The following HAGH variants were observed in gnomAD, a reference collection of about 807,000 sequenced individuals.
HAGH encodes hydroxyacylglutathione hydrolase.
In HAGH, 29 loss-of-function variants were observed where a neutral mutation model predicts 35.1. That is an observed-to-expected ratio of 0.83 (90% confidence interval 0.62 to 1.13). HAGH has a LOEUF of 1.13. Ranked by LOEUF, HAGH falls within the 50% of genes most tolerant of loss-of-function variation. The pLI is 0.00. For missense variants in HAGH, 478 were observed against 419.6 expected, an observed-to-expected ratio of 1.14 and a Z score of -1.22; for synonymous variants, 225 against 176.1, an observed-to-expected ratio of 1.28 and a Z score of -2.20.
intron 1 of HAGH, among the ~76,000 whole-genome samples, chr16:1,826,336 T>A (rs1452063270): frequency 6.7e-6 from 1 of 150,298 alleles, no homozygotes; most frequent in Non-Finnish European, 1.5e-5. Context: ...GGGCAGCAGG[T>A]GCGGGGTGGG....
At chr16:1,820,132 G>T in intron 3 of HAGH, 118 bp from the exon 4 acceptor site, 1 of 724,218 alleles carries the variant, frequency 1.4e-6, no homozygotes, top group South Asian at 1.6e-5. Flanking sequence ...CTAGTCAAAC[G>T]CAACACTTAT....
chr16:1,810,037 C>T, intron 7 of HAGH: 1 of 575,128 alleles, frequency 1.7e-6, no homozygotes, highest in Non-Finnish European at 3.1e-6. Context: ...TGGTGGCAGG[C>T]ACCTGTGGTC....
chr16:1,821,530 A>G (rs1898146525), intron 3 of HAGH: 1 of 152,238 alleles, frequency 6.6e-6, no homozygotes, highest in Non-Finnish European at 1.5e-5. Flanking sequence ...TAAAAGCCAA[A>G]CAACGGCCTT....
chr16:1,826,974 C>T (rs952046907), upstream of HAGH: 84 of 611,344 alleles, frequency 1.4e-4, no homozygotes, highest in Non-Finnish European at 2.0e-4. Context: ...TGCCACGGGC[C>T]GGGAGACGGG....
chr16:1,824,396 C>A (rs1898301746), intron 1 of HAGH, among the ~76,000 whole-genome samples: 1 of 152,194 alleles, frequency 6.6e-6, no homozygotes, highest in Non-Finnish European at 1.5e-5. Context: ...CACAGGGGCC[C>A]AGAAGGCCCA....
chr16:1,823,744 TAAA>T (rs71145496), intron 1 of HAGH, among the ~76,000 whole-genome samples: 1,291 of 55,802 alleles, frequency 0.023, 44 homozygotes, highest in African/African-American at 0.082. Flanking sequence ...ACCTGTTCCT[TAAA>T]AAAAAAAAAA....
intron 4 of HAGH, 78 bp downstream of exon 4, chr16:1,819,819 G>A (rs2142042633): frequency 2.3e-6 from 2 of 871,802 alleles, no homozygotes; most frequent in South Asian, 1.3e-5. Flanking sequence ...AGGGAGCAGA[G>A]AGAATGCGGG....
At position 1,809,120 on chromosome 16, in the gene HAGH, T is replaced by G; in HGVS notation, c.*163A>C. Reference sequence around the variant, plus strand: ...AGGGGAAGTTATGGGAATAAATACTTGTTAAACTTCTCTTATAAATATGCA... The same window carrying G: ...AGGGGAAGTTATGGGAATAAATACTGGTTAAACTTCTCTTATAAATATGCA... On this transcript the variant is annotated 3_prime_UTR_variant, in exon 9 of 9. Coordinates refer to ENST00000397356, the MANE Select transcript of HAGH (RefSeq NM_005326.6). 3.3e-6 allele frequency: 2 copies of G among 612,790 alleles called. No individual in the cohort carries two copies. The highest frequency in any genetic ancestry group is 5.3e-5 in the East Asian group (2 of 37,556). 38.0% of individuals were successfully genotyped at this position (612,790 alleles called of 1,614,324 possible).
In HAGH at chr16:1,809,373, C is replaced by T. The variant is rs113029133; in HGVS notation, c.837G>A (p.Thr279=). The change falls in exon 9 of 9, where the codon ACG becomes ACA. Residue 279 remains threonine, a synonymous_variant. Transcript: ENST00000397356. ...YNPFMRVREK[T]VQQHAGETDP... The stretch of plus-strand genomic sequence containing the variant: ...CCGTCTCACCTGCGTGCTGCTGCAC[C>T]GTCTTCTCCCTGCGGAGGCCAGCAC... 27 of 1,610,740 alleles carry T rather than the reference C, an allele frequency of 1.7e-5. No homozygotes were observed. The highest frequency in any genetic ancestry group is 1.3e-4 in the African/African-American group (10 of 75,036).
intron 7 of HAGH, among the ~76,000 whole-genome samples, chr16:1,814,006 A>T (rs1009647531): frequency 6.6e-6 from 1 of 152,166 alleles, no homozygotes; most frequent in Non-Finnish European, 1.5e-5. Flanking sequence ...GAGAGGGTGA[A>T]CCTCTACCCT....
At chr16:1,809,445 C>A in intron 8 of HAGH, 63 bp from the exon 9 acceptor site, 1 of 1,360,526 alleles carries the variant, frequency 7.4e-7, no homozygotes, top group South Asian at 1.2e-5. Flanking sequence ...GAGCCAGGGC[C>A]ACTGCAGAGG....
At position 1,822,341 on chromosome 16, in the gene HAGH, G is replaced by C; in HGVS notation, c.273C>G (p.His91Gln). 6.2e-7 allele frequency: 1 copy of C among 1,611,618 alleles called. No homozygotes were observed. Among genetic ancestry groups the C allele is most frequent in the Non-Finnish European group, 8.5e-7 (1 of 1,178,804 alleles). Residue 91 changes from histidine (H) to glutamine (Q), a missense_variant, in exon 3 of 9, where the codon CAC becomes CAG. By Grantham distance (24) the His-to-Gln change is conservative (BLOSUM62 0). Transcript: ENST00000397356. ...PQKVVDAARK[H>Q]GVKLTTVLTT... Reference sequence around the variant, plus strand: ...TGAGCACTGTGGTCAGTTTCACCCCGTGCTTTCTCGCCGCGTCCACGACCT... The same window carrying C: ...TGAGCACTGTGGTCAGTTTCACCCCCTGCTTTCTCGCCGCGTCCACGACCT...
intron 1 of HAGH, among the ~76,000 whole-genome samples, chr16:1,824,317 C>A (rs1898298427): frequency 7.2e-6 from 1 of 138,916 alleles, no homozygotes. Context: ...GGAAAGTTGG[C>A]CACAACTGCC....
intron 5 of HAGH, among the ~76,000 whole-genome samples, chr16:1,817,931 G>C (rs1897981816): frequency 6.6e-6 from 1 of 151,166 alleles, no homozygotes; most frequent in South Asian, 2.1e-4. Flanking sequence ...CAGCACAGTG[G>C]AGGCCGCCCC....
At position 1,821,146 on chromosome 16, in the gene HAGH, G is replaced by A. The variant is rs373003581; in HGVS notation, c.315-1132C>T. 9.9e-5 allele frequency among the ~76,000 whole-genome samples: 15 copies of A among 152,278 alleles called. No individual in the cohort carries two copies. In the East Asian group the frequency reaches 2.1e-3, roughly 22 times the overall value. The stretch of plus-strand genomic sequence containing the variant: ...GAGAGACAGCAGCTCAGCCACACAG[G>A]ACAAGGGCCAGGGAGGCTGCAGGCA... On this transcript the variant is annotated intron_variant, in intron 3 of 8. Transcript: ENST00000397356.
At position 1,819,239 on chromosome 16, in the gene HAGH, C is replaced by G; in HGVS notation, c.433-16G>C. The G allele has an allele frequency of 6.5e-7, 1 of 1,538,620 alleles. No homozygotes were observed. The highest frequency in any genetic ancestry group is 1.7e-5 in the Admixed American group (1 of 58,656). ...GAGACCCCACCTTCAACAAAGCAGG[C>G]GACCGCGTGTGCTCCCAGACACCCT... On this transcript the variant is annotated splice_polypyrimidine_tract_variant and intron_variant, in intron 4 of 8. Coordinates refer to ENST00000397356, the MANE Select transcript of HAGH (RefSeq NM_005326.6).
intron 5 of HAGH, chr16:1,818,486 G>A (rs1042277779): frequency 6.6e-6 from 1 of 152,348 alleles, no homozygotes; most frequent in African/African-American, 2.4e-5. Context: ...TCAAGGCTGG[G>A]GCTGCCACCT....
rs1555468347 is a variant in HAGH at position 1,820,066 on chromosome 16, T to C, written c.315-52A>G. ...TGCCTGCTGAGCTGAGGGGGCTGCC[T>C]GCTGAGCTGAGGGGGCTGCCTGCTG... On this transcript the variant is annotated intron_variant, in intron 3 of 8. Transcript: ENST00000397356. 2.1e-5 allele frequency: 21 copies of C among 1,011,928 alleles called. No individual in the cohort carries two copies. The South Asian group carries it at 2.6e-4, about 12-fold the overall frequency. 62.7% of individuals were successfully genotyped at this position (1,011,928 alleles called of 1,614,324 possible).
chr16:1,809,241 A>C lies in HAGH; in HGVS notation c.*42T>G. On this transcript the variant is annotated 3_prime_UTR_variant, in exon 9 of 9. Coordinates refer to ENST00000397356, the MANE Select transcript of HAGH (RefSeq NM_005326.6). ...GACCAGCAGGAAAGCCAGTTACCTA[A>C]AAGAGCCTAATCCCCAAATCCGCTG... is the stretch of plus-strand genomic sequence containing the variant. The C allele has an allele frequency of 7.2e-7, 1 of 1,380,260 alleles. No homozygotes were observed. The highest frequency in any genetic ancestry group is 1.0e-6 in the Non-Finnish European group (1 of 983,662). 85.5% of individuals were successfully genotyped at this position (1,380,260 alleles called of 1,614,324 possible).
Sources: allele counts gnomAD v4.1 joint callset (sites outside exome capture counted in the v4.1 genomes callset), GRCh38; gene constraint gnomAD v4.1.1; transcripts MANE v1.5; gene names NCBI Gene and HGNC (gene_info 2026-07-23, HGNC 2026-07-21).